CSMD1: variants seen among roughly 807,000 people sequenced by gnomAD.
CSMD1 encodes the protein CUB and sushi domain-containing protein 1.
A neutral mutation model predicts 417.5 loss-of-function variants in CSMD1; 213 were observed. That is an observed-to-expected ratio of 0.51 (90% CI 0.46 to 0.57). The LOEUF is 0.57. Among genes scored for constraint, CSMD1 ranks in the 20% least tolerant of loss-of-function variants. The pLI is 0.00. For synonymous variants in CSMD1, 2,862 were observed against 1,736.8 expected (o/e 1.65, Z -16.11); for missense variants, 6,923 against 4,529.7 (o/e 1.53, Z -15.17).
intron 5 of CSMD1, among the ~76,000 whole-genome samples, chr8:3,929,951 G>C (rs1188220612): frequency 6.7e-6 from 1 of 150,286 alleles, no homozygotes; most frequent in Admixed American, 6.6e-5. Flanking sequence ...CCTCATGTGA[G>C]ACACTGTGCA....
chr8:3,586,042 A>G lies in CSMD1; in HGVS notation c.1222+94T>C, dbSNP rs76594796. On this transcript the variant is annotated intron_variant, in intron 9 of 69. Coordinates refer to ENST00000635120, the MANE Select transcript of CSMD1 (RefSeq NM_033225.6). The stretch of plus-strand genomic sequence containing the variant: ...ATTACTACCGAATTCTACTCTTCCC[A>G]TACACAATGCTTCATGCTTAAATTG... 4,732 of 1,313,316 alleles carry G rather than the reference A, an allele frequency of 3.6e-3. 128 individuals are homozygous for G. In the African/African-American group the frequency reaches 0.058, roughly 16 times the overall value. The allele number at this position is 1,313,316 out of a possible 1,614,324, so 81.4% of individuals were successfully genotyped here. A position where few individuals can be genotyped will look rare whatever the true frequency, so the allele number is the denominator to read the frequency against.
intron 10 of CSMD1, among the ~76,000 whole-genome samples, chr8:3,568,181 C>G (rs1032578363): frequency 6.6e-6 from 1 of 152,092 alleles, no homozygotes; most frequent in Non-Finnish European, 1.5e-5. Flanking sequence ...TTATAAAGTA[C>G]TGATGTTCAC....
chr8:4,695,984 C>T (rs1262288536), intron 1 of CSMD1, among the ~76,000 whole-genome samples: 1 of 152,116 alleles, frequency 6.6e-6, no homozygotes, highest in Admixed American at 6.6e-5. Flanking sequence ...AGGGAGAATG[C>T]CTGTGTTTAA....
chr8:3,855,328 A>C (rs1208394197), intron 5 of CSMD1, among the ~76,000 whole-genome samples: 1 of 152,196 alleles, frequency 6.6e-6, no homozygotes, highest in Non-Finnish European at 1.5e-5. Flanking sequence ...ATATTTTTTC[A>C]TCCAGAAGGA....
intron 7 of CSMD1, among the ~76,000 whole-genome samples, chr8:3,685,777 G>C (rs927210523): frequency 2.6e-5 from 4 of 151,346 alleles, no homozygotes; most frequent in African/African-American, 9.7e-5. Flanking sequence ...AATTTCTATG[G>C]GTACATTGAA....
rs563808430 is a variant in CSMD1 at position 3,784,125 on chromosome 8, C to A, written c.819-30083G>T. On this transcript the variant is annotated intron_variant, in intron 5 of 69. Transcript: ENST00000635120. Reference sequence around the variant, plus strand: ...GTTTGGACAATAATAATTACAAATTCTTTTTCCTCTCTCTTTCTCTCTCTC... The same window carrying A: ...GTTTGGACAATAATAATTACAAATTATTTTTCCTCTCTCTTTCTCTCTCTC... Among the ~76,000 whole-genome samples the A allele has an allele frequency of 3.4e-4, 50 of 148,212 alleles. 1 individual carries two copies. The Middle Eastern group carries it at 0.028, about 82-fold the overall frequency.
intron 57 of CSMD1, among the ~76,000 whole-genome samples, chr8:2,971,418 C>A (rs931485086): frequency 2.0e-5 from 3 of 152,146 alleles, no homozygotes; most frequent in South Asian, 2.1e-4. Context: ...TGAACACGGG[C>A]AAGCTGATTT....
chr8:3,727,044 T>G (rs1423168118), intron 6 of CSMD1, among the ~76,000 whole-genome samples: 1 of 152,162 alleles, frequency 6.6e-6, no homozygotes, highest in Non-Finnish European at 1.5e-5. Flanking sequence ...TTACTAATGG[T>G]AGCTATCCTT....
intron 7 of CSMD1, among the ~76,000 whole-genome samples, chr8:3,659,519 C>T (rs1798303524): frequency 1.3e-5 from 2 of 152,152 alleles, no homozygotes; most frequent in African/African-American, 4.8e-5. Flanking sequence ...ATTCTCTTTG[C>T]CAGCTGTCCT....
chr8:4,673,854 C>T (rs1805505389), intron 1 of CSMD1, among the ~76,000 whole-genome samples: 1 of 151,756 alleles, frequency 6.6e-6, no homozygotes. Context: ...CAGGGACTGC[C>T]CGTGATGGAA....
At chr8:3,786,567 C>T (rs777593797) in intron 5 of CSMD1, among the ~76,000 whole-genome samples, 3 of 152,158 alleles carry the variant, frequency 2.0e-5, no homozygotes, top group Non-Finnish European at 2.9e-5. Flanking sequence ...GACTTTACAA[C>T]GGCCTAGGAT....
chr8:3,394,804 T>G (rs529506881), intron 17 of CSMD1, among the ~76,000 whole-genome samples: 14 of 152,304 alleles, frequency 9.2e-5, no homozygotes, highest in African/African-American at 3.4e-4. Context: ...TTACTTTAAG[T>G]TTCAAAATAC....
intron 10 of CSMD1, among the ~76,000 whole-genome samples, chr8:3,567,018 G>T (rs1317584376): frequency 1.3e-5 from 2 of 152,200 alleles, no homozygotes; most frequent in African/African-American, 4.8e-5. Context: ...AATACATGGA[G>T]TCAACCTAAA....
At chr8:4,050,494 G>A (rs1798369228) in intron 3 of CSMD1, among the ~76,000 whole-genome samples, 5 of 151,830 alleles carry the variant, frequency 3.3e-5, no homozygotes, top group Admixed American at 1.3e-4. Flanking sequence ...ATTGCATCAG[G>A]GTAAATGGGG....
At chr8:4,315,920 C>G (rs550532767) in intron 3 of CSMD1, among the ~76,000 whole-genome samples, 28 of 152,148 alleles carry the variant, frequency 1.8e-4, no homozygotes, top group Middle Eastern at 6.8e-3. Context: ...CTCAAATGTA[C>G]AAAATGAAAT....
chr8:4,591,352 A>G (rs534863015), intron 2 of CSMD1, among the ~76,000 whole-genome samples: 1 of 152,238 alleles, frequency 6.6e-6, no homozygotes, highest in Non-Finnish European at 1.5e-5. Flanking sequence ...ATTCACAGAC[A>G]AACTAGTTGG....
At chr8:3,089,439 T>A (rs886864107) in intron 48 of CSMD1, among the ~76,000 whole-genome samples, 4 of 152,244 alleles carry the variant, frequency 2.6e-5, no homozygotes, top group Non-Finnish European at 5.9e-5. Context: ...CATTTCTTTG[T>A]CGTTTTTAAC....
intron 5 of CSMD1, among the ~76,000 whole-genome samples, chr8:3,976,911 T>G (rs766581480): frequency 1.3e-5 from 2 of 152,310 alleles, no homozygotes; most frequent in Non-Finnish European, 1.5e-5. Context: ...AAATGACTTG[T>G]TAGCCATTTA....
At chr8:3,150,288 G>A (rs908295148) in intron 40 of CSMD1, among the ~76,000 whole-genome samples, 4 of 152,172 alleles carry the variant, frequency 2.6e-5, no homozygotes, top group African/African-American at 9.7e-5. Flanking sequence ...ACAGATCACT[G>A]GGAGGTGACG....
Sources: gnomAD v4.1 joint callset for allele counts (sites outside exome capture counted in the v4.1 genomes callset) on GRCh38, gnomAD v4.1.1 for gene constraint, MANE v1.5 for transcripts, NCBI Gene and HGNC (gene_info 2026-07-23, HGNC 2026-07-21) for gene names.